Variants in MEGF11 observed in about 807,000 individuals in gnomAD.
The protein encoded by MEGF11 is multiple EGF like domains 11.
MEGF11 carries 126 observed loss-of-function variants against 146.6 expected under a neutral mutation model. That is an observed-to-expected ratio of 0.86 (90% CI 0.74 to 1.00). The LOEUF (loss-of-function observed/expected upper bound fraction) is 1.00. Among genes scored for constraint, MEGF11 ranks in the 50% least tolerant of loss-of-function variants. MEGF11 has a pLI of 0.00. For synonymous variants in MEGF11, 532 were observed against 583.4 expected (o/e 0.91, Z 1.27); for missense variants, 1,509 against 1,521.2 (o/e 0.99, Z 0.13).
At chr15:66,070,410 A>G (rs1440551112) in intron 5 of MEGF11, among the ~76,000 whole-genome samples, 1 of 152,246 alleles carries the variant, frequency 6.6e-6, no homozygotes, top group Non-Finnish European at 1.5e-5. Flanking sequence ...TGTCCTGGCT[A>G]GGTGGCAGGT....
At chr15:65,926,239 G>A (rs1170621265) in intron 13 of MEGF11, among the ~76,000 whole-genome samples, 1 of 152,200 alleles carries the variant, frequency 6.6e-6, no homozygotes, top group Non-Finnish European at 1.5e-5. Flanking sequence ...ATACAATCCT[G>A]AGTCTTTCAT....
intron 1 of MEGF11, among the ~76,000 whole-genome samples, chr15:66,212,387 C>A (rs2091483620): frequency 6.6e-6 from 1 of 152,190 alleles, no homozygotes; most frequent in African/African-American, 2.4e-5. Context: ...CCCATCAGCA[C>A]AAGCTGGGTG....
intron 5 of MEGF11, among the ~76,000 whole-genome samples, chr15:66,026,862 T>C (rs2083347094): frequency 6.6e-6 from 1 of 152,184 alleles, no homozygotes; most frequent in Non-Finnish European, 1.5e-5. Context: ...CATCTGCATC[T>C]GTAAAACAGG....
At position 65,970,591 on chromosome 15, in the gene MEGF11, A is replaced by T; in HGVS notation, c.861T>A (p.Thr287=). The part of the protein sequence containing the change: ...CHHGGQCDHV[T]GQCHCTAGYM... ...ATCCAGCTGTACAGTGGCACTGTCC[A>T]GTCACGTGGTCACACTGCCCTCCAT... Residue 287 remains threonine (T), a synonymous_variant, in exon 8 of 26, where the codon ACT becomes ACA. Coordinates refer to ENST00000395614, the MANE Select transcript of MEGF11 (RefSeq NM_001385028.1). 1 of 1,614,026 alleles carries T rather than the reference A, an allele frequency of 6.2e-7. No homozygotes were observed. The highest frequency in any genetic ancestry group is 8.5e-7 in the Non-Finnish European group (1 of 1,179,868).
chr15:66,174,564 T>C (rs887894940), intron 1 of MEGF11, among the ~76,000 whole-genome samples: 4 of 152,020 alleles, frequency 2.6e-5, no homozygotes, highest in South Asian at 2.1e-4. Context: ...TAACTCTGCA[T>C]TTTTCCAGGG....
intron 1 of MEGF11, among the ~76,000 whole-genome samples, chr15:66,229,957 G>A (rs955639772): frequency 6.6e-6 from 1 of 152,198 alleles, no homozygotes; most frequent in Non-Finnish European, 1.5e-5. Context: ...GTCTGAAAGT[G>A]GCAGTGGTGC....
intron 5 of MEGF11, among the ~76,000 whole-genome samples, chr15:66,085,676 C>T (rs911117626): frequency 6.6e-6 from 1 of 152,216 alleles, no homozygotes; most frequent in African/African-American, 2.4e-5. Context: ...ATCTGAACAA[C>T]AGCCTTCAGT....
intron 1 of MEGF11, among the ~76,000 whole-genome samples, chr15:66,229,301 C>T (rs1271178553): frequency 6.6e-6 from 1 of 151,896 alleles, no homozygotes; most frequent in African/African-American, 2.4e-5. Flanking sequence ...GCACCAGGGC[C>T]AGAGCAGGAC....
intron 5 of MEGF11, among the ~76,000 whole-genome samples, chr15:65,994,986 G>T (rs557142464): frequency 6.6e-6 from 1 of 152,376 alleles, no homozygotes; most frequent in East Asian, 1.9e-4. Context: ...GATGCTGAAG[G>T]CTGGGCTTGC....
At chr15:65,952,436 T>C (rs574880320) in intron 10 of MEGF11, among the ~76,000 whole-genome samples, 26 of 152,202 alleles carry the variant, frequency 1.7e-4, no homozygotes, top group Admixed American at 6.5e-4. Flanking sequence ...CTCAGCGGGG[T>C]GTGAAGAAAG....
chr15:66,098,559 A>G (rs2086649407), intron 4 of MEGF11, among the ~76,000 whole-genome samples: 1 of 152,202 alleles, frequency 6.6e-6, no homozygotes, highest in African/African-American at 2.4e-5. Flanking sequence ...GAAGGCTGGG[A>G]GGTCAGGGAA....
intron 1 of MEGF11, among the ~76,000 whole-genome samples, chr15:66,138,625 A>G (rs11634278): frequency 0.38 from 57,451 of 151,972 alleles, 12,476 homozygotes; most frequent in South Asian, 0.56. Flanking sequence ...CAGCAAGCAC[A>G]GGGAGCCCTG....
chr15:66,071,958 C>T (rs2085386579), intron 5 of MEGF11, among the ~76,000 whole-genome samples: 1 of 152,226 alleles, frequency 6.6e-6, no homozygotes, highest in Non-Finnish European at 1.5e-5. Flanking sequence ...AGGCACTGCT[C>T]ACAGAGCCCA....
chr15:66,055,524 C>G (rs568562373), intron 5 of MEGF11, among the ~76,000 whole-genome samples: 1 of 152,176 alleles, frequency 6.6e-6, no homozygotes, highest in South Asian at 2.1e-4. Flanking sequence ...GTGTCAGAAT[C>G]GGGGGGACAG....
rs1418987045 is a variant in MEGF11, at chr15:65,965,210, C to T, written c.900-90G>A. ...TCCAGGATGTGGTCCTCCTGGCCAT[C>T]TGGCCCAGGCCTGGTGTGCTCCACG... On this transcript the variant is annotated intron_variant, in intron 8 of 25. Coordinates refer to ENST00000395614, the MANE Select transcript of MEGF11 (RefSeq NM_001385028.1). 4 of 1,112,646 alleles carry T rather than the reference C, an allele frequency of 3.6e-6. No individual in the cohort carries two copies. The African/African-American group carries it at 4.7e-5, about 13-fold the overall frequency. The allele number at this position is 1,112,646 out of a possible 1,614,324, so 68.9% of individuals were successfully genotyped here. A position where few individuals can be genotyped will look rare whatever the true frequency, so the allele number is the denominator to read the frequency against.
chr15:66,151,798 G>A (rs140461173), intron 1 of MEGF11, among the ~76,000 whole-genome samples: 6 of 152,288 alleles, frequency 3.9e-5, no homozygotes, highest in South Asian at 4.1e-4. Context: ...TCCCAGCTCC[G>A]TTCGCAGCAA....
intron 4 of MEGF11, among the ~76,000 whole-genome samples, chr15:66,099,522 G>C (rs2086699381): frequency 6.6e-6 from 1 of 152,072 alleles, no homozygotes; most frequent in African/African-American, 2.4e-5. Flanking sequence ...TTGCTGATTT[G>C]TATTCCAAGG....
chr15:65,945,195 C>A (rs1485230362), intron 10 of MEGF11, among the ~76,000 whole-genome samples: 1 of 152,186 alleles, frequency 6.6e-6, no homozygotes, highest in African/African-American at 2.4e-5. Flanking sequence ...CGTGCCCAGC[C>A]CCTTGGGTTT....
chr15:66,039,799 CGG>C (rs2083882336), intron 5 of MEGF11, among the ~76,000 whole-genome samples: 3 of 120,840 alleles, frequency 2.5e-5, no homozygotes, highest in Non-Finnish European at 5.3e-5. Context: ...GGTCAGGCGG[CGG>C]TGGGGTGACG....
Sources: gnomAD v4.1 joint callset for allele counts (sites outside exome capture counted in the v4.1 genomes callset) on GRCh38, gnomAD v4.1.1 for gene constraint, MANE v1.5 for transcripts, NCBI Gene and HGNC (gene_info 2026-07-23, HGNC 2026-07-21) for gene names.